The following RUNX1T1 variants were observed in gnomAD, a reference collection of about 807,000 sequenced individuals.
The protein encoded by RUNX1T1 is RUNX1 partner transcriptional co-repressor 1.
RUNX1T1 carries 4 observed loss-of-function variants against 62.8 expected under a neutral mutation model. The observed-to-expected ratio is 0.06, with a 90% CI of 0.03 to 0.15. RUNX1T1 has a LOEUF of 0.15. Among genes scored for constraint, RUNX1T1 ranks in the 10% least tolerant of loss-of-function variants. RUNX1T1 has a pLI of 1.00. For missense variants in RUNX1T1, 508 were observed against 754.3 expected (o/e 0.67, Z 3.82); for synonymous variants, 291 against 286.0 (o/e 1.02, Z -0.18).
chr8:92,048,124 T>A (rs764325025), intron 1 of RUNX1T1, among the ~76,000 whole-genome samples: 1 of 152,174 alleles, frequency 6.6e-6, no homozygotes, highest in Admixed American at 6.5e-5. Context: ...ATTCAAATGA[T>A]CCATTTTCAA....
At position 92,060,553 on chromosome 8, in the gene RUNX1T1, A is replaced by ATATATG; in HGVS notation, c.7+1992_7+1993insCATATA. Among the ~76,000 whole-genome samples, 178 of 63,928 alleles carry ATATATG rather than the reference A, an allele frequency of 2.8e-3. 1 individual carries two copies. Among genetic ancestry groups the ATATATG allele is most frequent in the Non-Finnish European group, 4.3e-3 (132 of 30,750 alleles). 41.9% of individuals were successfully genotyped at this position (63,928 alleles called of 152,430 possible). On this transcript the variant is annotated intron_variant, in intron 1 of 10. Coordinates refer to ENST00000396218, the Ensembl canonical transcript of RUNX1T1. ...TATATATATATATATATATATATAT[A>ATATATG]TGTGTGTGTGTGTGTGTGTGTGTGT...
At position 91,973,450 on chromosome 8, in the gene RUNX1T1, C is replaced by T. The variant is rs528860323; in HGVS notation, c.1267+2455G>A. 1.7e-3 allele frequency among the ~76,000 whole-genome samples: 261 copies of T among 151,974 alleles called. 1 individual carries two copies. Among genetic ancestry groups the T allele is most frequent in the African/African-American group, 6.0e-3 (251 of 41,516 alleles). On this transcript the variant is annotated intron_variant, in intron 9 of 10. Coordinates refer to ENST00000396218, the Ensembl canonical transcript of RUNX1T1. ...GATGTACTTTCAAGCACAGGGTATA[C>T]TTGTAATTACAATTTTCTGTGAAAG...
At chr8:92,078,433 T>A (rs1834754405) in intron 1 of RUNX1T1, among the ~76,000 whole-genome samples, 1 of 152,114 alleles carries the variant, frequency 6.6e-6, no homozygotes, top group African/African-American at 2.4e-5. Context: ...TTTGTTCAGA[T>A]CTGGATGCTC....
intron 1 of RUNX1T1, among the ~76,000 whole-genome samples, chr8:92,090,996 CA>C (rs1836906556): frequency 6.6e-6 from 1 of 152,144 alleles, no homozygotes; most frequent in South Asian, 2.1e-4. Context: ...CTCCCAAGAC[CA>C]ACAACTAAGT....
intron 1 of RUNX1T1, chr8:92,017,693 T>C (rs1040651196): frequency 4.1e-5 from 50 of 1,207,162 alleles, no homozygotes; most frequent in South Asian, 5.5e-5. Context: ...AGGTAGAAAA[T>C]AGATGAGGAA....
intron 9 of RUNX1T1, among the ~76,000 whole-genome samples, chr8:91,971,446 G>A (rs1812808183): frequency 6.6e-6 from 1 of 152,050 alleles, no homozygotes; most frequent in African/African-American, 2.4e-5. Flanking sequence ...ACAAATAAGT[G>A]CAAACTATTA....
intron 1 of RUNX1T1, among the ~76,000 whole-genome samples, chr8:92,020,748 T>C (rs1286555976): frequency 6.6e-6 from 1 of 151,898 alleles, no homozygotes. Flanking sequence ...ATGTGGCATA[T>C]ATTAATACAT....
chr8:92,007,949 CAG>C (rs1436045436), intron 4 of RUNX1T1, among the ~76,000 whole-genome samples: 1 of 115,086 alleles, frequency 8.7e-6, no homozygotes, highest in Non-Finnish European at 1.7e-5. Context: ...GCCTGGGTAA[CAG>C]AGCGAGACTT....
At chr8:92,036,125 TA>T (rs1244113654) in intron 1 of RUNX1T1, among the ~76,000 whole-genome samples, 1 of 152,188 alleles carries the variant, frequency 6.6e-6, no homozygotes, top group Non-Finnish European at 1.5e-5. Flanking sequence ...CATATAGCAC[TA>T]GAGATGTCTT....
chr8:92,034,645 C>T (rs755997617), intron 1 of RUNX1T1, among the ~76,000 whole-genome samples: 12 of 125,478 alleles, frequency 9.6e-5, no homozygotes, highest in South Asian at 5.0e-4. Context: ...CATCAACAGA[C>T]GACTAAAGAA....
chr8:91,993,820 C>A (rs1818159909), intron 5 of RUNX1T1, among the ~76,000 whole-genome samples: 1 of 152,112 alleles, frequency 6.6e-6, no homozygotes, highest in South Asian at 2.1e-4. Flanking sequence ...TGTGAAACCT[C>A]GCCTCTACTA....
intron 1 of RUNX1T1, among the ~76,000 whole-genome samples, chr8:92,060,553 A>ATATATATATATATATGTGTGTGTGTGTG: frequency 2.0e-3 from 129 of 63,686 alleles, no homozygotes; most frequent in Non-Finnish European, 3.2e-3. Flanking sequence ...ATATATATAT[A>ATATATATATATATATGTGTGTGTGTGTG]TGTGTGTGTG....
At position 92,095,328 on chromosome 8, in the gene RUNX1T1, C is replaced by T. The variant is rs146067201; in HGVS notation, c.-86+4252G>A. 2.4e-5 allele frequency: 37 copies of T among 1,532,536 alleles called. 1 individual carries two copies. In the South Asian group the frequency reaches 3.8e-4, roughly 16 times the overall value. The allele number at this position is 1,532,536 out of a possible 1,614,324, so 94.9% of individuals were successfully genotyped here. ...TCCTTCCTCCCTGCTCGCCTCCCTCCCCTGTTCACGGAGATTACCTTCTGG... is the reference window on the plus strand; with the variant it reads ...TCCTTCCTCCCTGCTCGCCTCCCTCTCCTGTTCACGGAGATTACCTTCTGG... On this transcript the variant is annotated intron_variant, in intron 1 of 11. Transcript: ENST00000265814.
At chr8:91,960,210 T>C (rs776320380) in exon 11 of RUNX1T1, 1 of 1,591,896 alleles carries the variant, frequency 6.3e-7, no homozygotes, top group East Asian at 2.3e-5. Flanking sequence ...GTTGGTTGTG[T>C]TGTCTTTCCT....
rs140503378 is a variant in RUNX1T1, at chr8:92,038,601, C to G, written c.8-21238G>C. Among the ~76,000 whole-genome samples, 77 of 152,126 alleles carry G rather than the reference C, an allele frequency of 5.1e-4. No homozygotes were observed. In the East Asian group the frequency reaches 0.015, roughly 29 times the overall value. On this transcript the variant is annotated intron_variant, in intron 1 of 10. Coordinates refer to ENST00000396218, the Ensembl canonical transcript of RUNX1T1. The stretch of plus-strand genomic sequence containing the variant: ...CAAGCATATCCAACATGGTACAGCC[C>G]CGGACAAGGTGAGGCAAGAAAGTCA...
intron 10 of RUNX1T1, 41 bp downstream of exon 11, chr8:91,970,616 GA>G: frequency 1.3e-6 from 2 of 1,517,626 alleles, no homozygotes; most frequent in Non-Finnish European, 1.8e-6. Flanking sequence ...TCTAATGAAT[GA>G]AAACTATCTT....
At chr8:92,045,319 T>G (rs1829206862) in intron 1 of RUNX1T1, among the ~76,000 whole-genome samples, 1 of 152,114 alleles carries the variant, frequency 6.6e-6, no homozygotes, top group Non-Finnish European at 1.5e-5. Flanking sequence ...AATGTACAAT[T>G]TTTTCCACTT....
chr8:91,970,618 A>G (rs989279791), intron 10 of RUNX1T1, 40 bp downstream of exon 11: 13 of 1,528,626 alleles, frequency 8.5e-6, no homozygotes, highest in Non-Finnish European at 1.1e-5. Flanking sequence ...TAATGAATGA[A>G]AACTATCTTG....
intron 1 of RUNX1T1, among the ~76,000 whole-genome samples, chr8:92,088,138 T>C (rs901561114): frequency 1.3e-5 from 2 of 152,120 alleles, no homozygotes; most frequent in Non-Finnish European, 2.9e-5. Context: ...GTGTGACACA[T>C]GATAAAAGTT....
Sources: gnomAD v4.1 joint callset for allele counts (sites outside exome capture counted in the v4.1 genomes callset) on GRCh38, gnomAD v4.1.1 for gene constraint, MANE v1.5 for transcripts, NCBI Gene and HGNC (gene_info 2026-07-23, HGNC 2026-07-21) for gene names.